NEB: variants seen among roughly 807,000 people sequenced by gnomAD.
NEB encodes the protein nemaline myopathy type 2.
NEB carries 512 observed loss-of-function variants against 952.2 expected under a neutral mutation model. That is an observed-to-expected ratio of 0.54 (90% confidence interval 0.50 to 0.58). The LOEUF is 0.58. Ranked by LOEUF, NEB falls within the 20% of genes least tolerant of loss-of-function variation. The pLI, the probability that NEB is intolerant of heterozygous loss-of-function variation, is 0.00. For missense variants in NEB, 8,428 were observed against 9,231.1 expected, an observed-to-expected ratio of 0.91 and a Z score of 3.56; for synonymous variants, 2,900 against 3,149.8, an observed-to-expected ratio of 0.92 and a Z score of 2.66.
At chr2:151,502,133 A>G (rs2153086876) in intron 167 of NEB, among the ~76,000 whole-genome samples, 1 of 152,334 alleles carries the variant, frequency 6.6e-6, no homozygotes, top group Middle Eastern at 3.4e-3. Flanking sequence ...AAAACCAAAC[A>G]TTGTATGTTC....
chr2:151,678,621 C>T (rs7564024), intron 32 of NEB, among the ~76,000 whole-genome samples: 40,041 of 151,960 alleles, frequency 0.26, 6,959 homozygotes, highest in East Asian at 0.54. Flanking sequence ...ATGTTAATAT[C>T]AATGATAGTA....
At chr2:151,494,288 G>A (rs1559167623) in intron 173 of NEB, 35 bp from the exon 174 acceptor site, 5 of 1,404,956 alleles carry the variant, frequency 3.6e-6, no homozygotes, top group Admixed American at 4.1e-5. Context: ...AAGCCAAAAA[G>A]AAAAAGAGTT....
In NEB at chr2:151,655,905, C is replaced by A. The variant is rs752349680; in HGVS notation, c.6614G>T (p.Arg2205Leu). Reference sequence around the variant, plus strand: ...AAACTGGAAGTTGCTCGGGTGCTGGCGGTATTTCTGATCACTGGCATATTC... The same window carrying A: ...AAACTGGAAGTTGCTCGGGTGCTGGAGGTATTTCTGATCACTGGCATATTC... ...ATEYASDQKYRQHPSNFQFKK... is the reference protein window; with the variant it reads ...ATEYASDQKYLQHPSNFQFKK... Residue 2205 changes from arginine to leucine, a missense_variant, in exon 50 of 182, where the codon CGC becomes CTC. Transcript: ENST00000397345. 6.2e-7 allele frequency: 1 copy of A among 1,613,664 alleles called. No individual in the cohort carries two copies. The highest frequency in any genetic ancestry group is 1.1e-5 in the South Asian group (1 of 91,086).
rs757248006 is a variant in NEB at position 151,684,885 on chromosome 2, C to A, written c.2728G>T (p.Ala910Ser). 4 of 1,613,182 alleles carry A rather than the reference C, an allele frequency of 2.5e-6. No homozygotes were observed. The highest frequency in any genetic ancestry group is 3.4e-6 in the Non-Finnish European group (4 of 1,179,510). Reference sequence around the variant, plus strand: ...TTATAATCAACGTCGCTGGCAATTGCCTGAGATTTCTTAGCTTGAGTGACT... The same window carrying A: ...TTATAATCAACGTCGCTGGCAATTGACTGAGATTTCTTAGCTTGAGTGACT... The part of the protein sequence containing the change: ...LQVTQAKKSQ[A>S]IASDVDYKHI... Residue 910 changes from alanine to serine, a missense_variant, in exon 28 of 182, where the codon GCA becomes TCA. By Grantham distance (99) the Ala-to-Ser change is moderately conservative. Transcript: ENST00000397345.
intron 145 of NEB, among the ~76,000 whole-genome samples, chr2:151,530,086 C>T (rs2089757425): frequency 6.6e-6 from 1 of 152,104 alleles, no homozygotes; most frequent in African/African-American, 2.4e-5. Flanking sequence ...TTAAGGACCC[C>T]TTAAGGGCAA....
chr2:151,697,313 GTTA>G, intron 15 of NEB, 34 bp downstream of exon 15: 1 of 1,610,280 alleles, frequency 6.2e-7, no homozygotes, highest in South Asian at 1.1e-5. Context: ...TGAGAAAAAT[GTTA>G]TTTGGAAAGT....
chr2:151,638,252 A>G (rs2098799231), intron 63 of NEB, among the ~76,000 whole-genome samples: 1 of 152,262 alleles, frequency 6.6e-6, no homozygotes, highest in Non-Finnish European at 1.5e-5. Flanking sequence ...TCCTGGGAGC[A>G]CAGGATGCAG....
intron 10 of NEB, among the ~76,000 whole-genome samples, chr2:151,713,953 G>C (rs989298452): frequency 6.6e-6 from 1 of 152,124 alleles, no homozygotes; most frequent in Non-Finnish European, 1.5e-5. Flanking sequence ...AAGGGTGTGA[G>C]GATGAACAGA....
intron 143 of NEB, among the ~76,000 whole-genome samples, chr2:151,532,871 G>C (rs750103810): frequency 2.8e-4 from 43 of 152,084 alleles, no homozygotes; most frequent in South Asian, 6.2e-4. Flanking sequence ...GCATGCTTCA[G>C]TTGGCCTTCT....
At chr2:151,626,080 C>A (rs985569299) in intron 70 of NEB, among the ~76,000 whole-genome samples, 17 of 147,820 alleles carry the variant, frequency 1.2e-4, no homozygotes, top group Non-Finnish European at 2.2e-4. Flanking sequence ...CTCTAGATTT[C>A]TTTTTGATAA....
In NEB at chr2:151,518,438, C is replaced by CA; in HGVS notation, c.22696-17dup. The CA allele has an allele frequency of 6.8e-7, 1 of 1,473,798 alleles. No individual in the cohort carries two copies. The allele number at this position is 1,473,798 out of a possible 1,614,324, so 91.3% of individuals were successfully genotyped here. A position where few individuals can be genotyped will look rare whatever the true frequency, so the allele number is the denominator to read the frequency against. On this transcript the variant is annotated splice_polypyrimidine_tract_variant and intron_variant, in intron 155 of 181. Coordinates refer to ENST00000397345, the MANE Select transcript of NEB (RefSeq NM_001164508.2). ...TGTACTGGTACTGAGGGGAAGGCGG[C>CA]AAAAAAGGCACATTGATGGAGAAGC...
At chr2:151,490,099 CT>C (rs1166330693) in intron 180 of NEB, 22 bp from the exon 181 acceptor site, 1 of 1,555,102 alleles carries the variant, frequency 6.4e-7, no homozygotes, top group African/African-American at 1.4e-5. Context: ...GGGGCAAATT[CT>C]TTATAAGAAG....
At chr2:151,656,625 A>G (rs1011660300) in intron 48 of NEB, among the ~76,000 whole-genome samples, 161 bp from the exon 49 acceptor site, 28 of 152,016 alleles carry the variant, frequency 1.8e-4, no homozygotes, top group Admixed American at 1.4e-3. Context: ...ATATTTATTG[A>G]TGTAACTGAA....
intron 71 of NEB, among the ~76,000 whole-genome samples, chr2:151,621,381 C>T (rs1029985985): frequency 1.3e-5 from 2 of 152,162 alleles, no homozygotes; most frequent in Admixed American, 6.5e-5. Flanking sequence ...AACATTTTTA[C>T]TAGCAGAGAA....
chr2:151,680,710 T>C lies in NEB; in HGVS notation c.3042+20A>G, dbSNP rs1370017418. 6.7e-6 allele frequency: 10 copies of C among 1,485,876 alleles called. No individual in the cohort carries two copies. Among genetic ancestry groups the C allele is most frequent in the Non-Finnish European group, 7.5e-6 (8 of 1,069,096 alleles). 92.0% of individuals were successfully genotyped at this position (1,485,876 alleles called of 1,614,324 possible). On this transcript the variant is annotated intron_variant, in intron 30 of 181. Coordinates refer to ENST00000397345, the MANE Select transcript of NEB (RefSeq NM_001164508.2). ...GTATTAGTTAACATCTATTAACATA[T>C]AGATAGCATTAACACTTACATCACT... is the stretch of plus-strand genomic sequence containing the variant.
rs774345653 is a variant in NEB at position 151,677,781 on chromosome 2, T to A, written c.3568-10A>T. The A allele has an allele frequency of 6.2e-7, 1 of 1,613,798 alleles. No homozygotes were observed. The highest frequency in any genetic ancestry group is 1.1e-5 in the South Asian group (1 of 91,052). On this transcript the variant is annotated splice_polypyrimidine_tract_variant and intron_variant, in intron 33 of 181. Coordinates refer to ENST00000397345, the MANE Select transcript of NEB (RefSeq NM_001164508.2). ...CTTCCTTGTAGACGTTCTACAGCAATGGAGAAAAGAGGAGTGAGGGCCTAG... is the reference window on the plus strand; with the variant it reads ...CTTCCTTGTAGACGTTCTACAGCAAAGGAGAAAAGAGGAGTGAGGGCCTAG...
At chr2:151,685,037 A>G in intron 27 of NEB, 62 bp from the exon 28 acceptor site, 1 of 1,441,564 alleles carries the variant, frequency 6.9e-7, no homozygotes, top group Non-Finnish European at 9.5e-7. Context: ...GAAAAGACAG[A>G]GATCTTTCAT....
intron 72 of NEB, 78 bp downstream of exon 72, chr2:151,620,841 A>T (rs1335818385): frequency 8.9e-7 from 1 of 1,124,338 alleles, no homozygotes; most frequent in Non-Finnish European, 1.3e-6. Flanking sequence ...AAGGTGGATG[A>T]TGACCAAAGA....
At chr2:151,560,210 G>A (rs995493605) in intron 124 of NEB, among the ~76,000 whole-genome samples, 3 of 152,056 alleles carry the variant, frequency 2.0e-5, no homozygotes, top group Admixed American at 6.6e-5. Flanking sequence ...TATAATAACC[G>A]GTTATCATAT....
Sources: gnomAD v4.1 joint callset for allele counts (sites outside exome capture counted in the v4.1 genomes callset) on GRCh38, gnomAD v4.1.1 for gene constraint, MANE v1.5 for transcripts, NCBI Gene and HGNC (gene_info 2026-07-23, HGNC 2026-07-21) for gene names.